SETD2: variants seen among roughly 807,000 people sequenced by gnomAD.
SETD2 encodes histone-lysine N-methyltransferase SETD2.
SETD2 carries 31 observed loss-of-function variants against 242.1 expected under a neutral mutation model. The ratio of observed to expected loss-of-function variants is 0.13; its 90% confidence interval spans 0.10 to 0.17. SETD2 has a LOEUF of 0.17. Ranked by LOEUF, SETD2 falls within the 10% of genes least tolerant of loss-of-function variation. The probability of loss-of-function intolerance (pLI) is 1.00; values close to 1 mark genes in which losing one functional copy is unlikely to be tolerated. For synonymous variants in SETD2, 1,006 were observed against 1,066.5 expected (o/e 0.94, Z 1.11); for missense variants, 2,481 against 3,046.3 (o/e 0.81, Z 4.37).
intron 15 of SETD2, among the ~76,000 whole-genome samples, chr3:47,049,084 C>T (rs2039672479): frequency 2.0e-5 from 3 of 151,728 alleles, no homozygotes; most frequent in South Asian, 4.2e-4. Flanking sequence ...CTCAGCCTCC[C>T]GAGTATGTGC....
chr3:47,144,609 C>T (rs886275360), intron 1 of SETD2, among the ~76,000 whole-genome samples: 1 of 152,110 alleles, frequency 6.6e-6, no homozygotes, highest in Admixed American at 6.6e-5. Context: ...CACCACTGCA[C>T]TCCAGCCTGG....
rs1462910504 is a variant in SETD2 at position 47,119,598 on chromosome 3, C to A, written c.4454+584G>T. The A allele has an allele frequency of 2.6e-5, 7 of 268,234 alleles. No homozygotes were observed. The East Asian group carries it at 7.9e-4, about 30-fold the overall frequency. 16.6% of individuals were successfully genotyped at this position (268,234 alleles called of 1,614,324 possible). On this transcript the variant is annotated intron_variant, in intron 3 of 20. Coordinates refer to ENST00000409792, the MANE Select transcript of SETD2 (RefSeq NM_014159.7). ...TTATCAAGGGTTTTCACTTTTGCTTCTTCCTCTTTTTCTCTTGCCACCACC... is the reference window on the plus strand; with the variant it reads ...TTATCAAGGGTTTTCACTTTTGCTTATTCCTCTTTTTCTCTTGCCACCACC...
intron 11 of SETD2, among the ~76,000 whole-genome samples, chr3:47,084,734 T>C (rs2041476252): frequency 6.7e-6 from 1 of 149,122 alleles, no homozygotes; most frequent in African/African-American, 2.5e-5. Flanking sequence ...CTACAGTTGA[T>C]TTTGTTTTTT....
chr3:47,129,901 A>G (rs2043438278), intron 1 of SETD2, among the ~76,000 whole-genome samples: 1 of 152,120 alleles, frequency 6.6e-6, no homozygotes, highest in South Asian at 2.1e-4. Flanking sequence ...AAGAAAAAAG[A>G]AAAGAAAAAA....
At chr3:47,061,344 T>A (rs1011206599) in intron 14 of SETD2, among the ~76,000 whole-genome samples, 1 of 152,086 alleles carries the variant, frequency 6.6e-6, no homozygotes, top group Admixed American at 6.6e-5. Flanking sequence ...AGAATGCAGA[T>A]ATAAATCCAC....
At chr3:47,022,210 C>CAT (rs1404900526) in intron 18 of SETD2, among the ~76,000 whole-genome samples, 1 of 149,858 alleles carries the variant, frequency 6.7e-6, no homozygotes, top group East Asian at 2.0e-4. Context: ...CACACACACA[C>CAT]ACACACACAC....
At chr3:47,044,492 C>T (rs954621099) in intron 16 of SETD2, among the ~76,000 whole-genome samples, 6 of 149,828 alleles carry the variant, frequency 4.0e-5, no homozygotes, top group African/African-American at 1.5e-4. Context: ...TCCATCTTCA[C>T]TAACTGTCCT....
chr3:47,163,742 G>A (rs1351384442), intron 1 of SETD2, 112 bp downstream of exon 1: 25 of 802,534 alleles, frequency 3.1e-5, no homozygotes, highest in African/African-American at 3.8e-5. Flanking sequence ...CGAGGCCACC[G>A]TGGGCCTGTT....
intron 1 of SETD2, among the ~76,000 whole-genome samples, chr3:47,159,830 C>T (rs1418136896): frequency 2.0e-5 from 3 of 152,142 alleles, no homozygotes; most frequent in African/African-American, 7.2e-5. Flanking sequence ...CAAAAATTAG[C>T]CAGGCACAGT....
intron 11 of SETD2, 39 bp downstream of exon 11, chr3:47,086,156 A>G: frequency 6.2e-7 from 1 of 1,606,820 alleles, no homozygotes; most frequent in Non-Finnish European, 8.5e-7. Context: ...CAATCAATAT[A>G]ACAGTTTTAA....
Position 47,120,938 on chromosome 3 carries a change from G to T in SETD2, c.3698C>A (p.Thr1233Lys). 1 of 1,614,176 alleles carries T rather than the reference G, an allele frequency of 6.2e-7. No individual in the cohort carries two copies. Among genetic ancestry groups the T allele is most frequent in the Non-Finnish European group, 8.5e-7 (1 of 1,180,020 alleles). ...QNRPDSRLGKTELSFSSSCEI... is the reference protein window; with the variant it reads ...QNRPDSRLGKKELSFSSSCEI... ...ACAAGAGGAAGAAAAACTCAATTCTGTTTTTCCCAGTCTACTATCTGGCCT... is the reference window on the plus strand; with the variant it reads ...ACAAGAGGAAGAAAAACTCAATTCTTTTTTTCCCAGTCTACTATCTGGCCT... Residue 1233 changes from threonine (T) to lysine (K), a missense_variant, in exon 3 of 21, where the codon ACA (threonine) becomes AAA (lysine). Thr to Lys is a moderately conservative substitution (Grantham distance 78, BLOSUM62 -1). Coordinates refer to ENST00000409792, the MANE Select transcript of SETD2 (RefSeq NM_014159.7).
Position 47,016,887 on chromosome 3 carries a change from A to G in SETD2, c.*206T>C. ...TGCACCTCTGATGGCTTCTAACCAC[A>G]TGCCAACAGCTCACAACTAGGTAAT... On this transcript the variant is annotated 3_prime_UTR_variant, in exon 21 of 21. Transcript: ENST00000409792. The G allele has an allele frequency of 3.6e-6, 2 of 561,658 alleles. No homozygotes were observed. The highest frequency in any genetic ancestry group is 3.2e-6 in the Non-Finnish European group (1 of 315,924). The allele number at this position is 561,658 out of a possible 1,614,324, so 34.8% of individuals were successfully genotyped here. A position where few individuals can be genotyped will look rare whatever the true frequency, so the allele number is the denominator to read the frequency against.
intron 15 of SETD2, among the ~76,000 whole-genome samples, chr3:47,055,393 A>AT (rs201726302): frequency 3.3e-5 from 5 of 151,232 alleles, no homozygotes; most frequent in South Asian, 2.1e-4. Flanking sequence ...TGCTTTGAAC[A>AT]TTTTTTTTTC....
At chr3:47,067,231 TTATTCTCTAAAATTTGACTTA>T (rs2040595561) in intron 12 of SETD2, 113 bp from the exon 13 acceptor site, 3 of 799,028 alleles carry the variant, frequency 3.8e-6, no homozygotes, top group Admixed American at 2.3e-5. Context: ...AAGCTGGTAC[TTATTCTCTAAAATTTGACTTA>T]TATCTGGGCT....
chr3:47,112,607 C>T (rs900276866), intron 5 of SETD2, among the ~76,000 whole-genome samples: 8 of 148,806 alleles, frequency 5.4e-5, no homozygotes, highest in African/African-American at 2.0e-4. Context: ...TGTTTGTTTT[C>T]GAGATGGAGT....
intron 15 of SETD2, among the ~76,000 whole-genome samples, chr3:47,048,982 A>G (rs2039668544): frequency 6.6e-6 from 1 of 151,474 alleles, no homozygotes; most frequent in African/African-American, 2.4e-5. Flanking sequence ...TTTTTTAAAA[A>G]AGAGTCTCAT....
chr3:47,049,847 T>C (rs36194162), intron 15 of SETD2, among the ~76,000 whole-genome samples: 2 of 145,750 alleles, frequency 1.4e-5, no homozygotes, highest in African/African-American at 5.0e-5. Context: ...TGAGTTTATA[T>C]TATATATAAT....
At chr3:47,078,889 C>T (rs766361592) in intron 12 of SETD2, among the ~76,000 whole-genome samples, 1 of 151,944 alleles carries the variant, frequency 6.6e-6, no homozygotes, top group African/African-American at 2.4e-5. Flanking sequence ...TGCCACCATG[C>T]CTCGCTAATT....
chr3:47,112,115 CTTT>C (rs11319249), intron 5 of SETD2, among the ~76,000 whole-genome samples: 26 of 128,646 alleles, frequency 2.0e-4, no homozygotes, highest in Admixed American at 2.3e-4. Context: ...ATTAAGAATA[CTTT>C]TTTTTTTTTT....
Sources: gnomAD v4.1 joint callset for allele counts (sites outside exome capture counted in the v4.1 genomes callset) on GRCh38, gnomAD v4.1.1 for gene constraint, MANE v1.5 for transcripts, NCBI Gene and HGNC (gene_info 2026-07-23, HGNC 2026-07-21) for gene names.